CIMIP4: variants seen among roughly 807,000 people sequenced by gnomAD.
CIMIP4 encodes the protein protein EAN57.
At chr22:37,004,990 T>G in the CIMIP4 span, among the ~76,000 whole-genome samples, 1 of 152,130 alleles carries the variant, frequency 6.6e-6, no homozygotes, top group Non-Finnish European at 1.5e-5. Flanking sequence ...GCCCGGCCTG[T>G]GACTTCGGTT....
the CIMIP4 span, among the ~76,000 whole-genome samples, chr22:36,995,354 C>T: frequency 2.0e-5 from 3 of 152,206 alleles, no homozygotes; most frequent in African/African-American, 7.2e-5. Flanking sequence ...TCTCCCCTCC[C>T]AGCCCTGCTG....
At chr22:37,006,304 G>A in the CIMIP4 span, among the ~76,000 whole-genome samples, 1 of 152,212 alleles carries the variant, frequency 6.6e-6, no homozygotes, top group Non-Finnish European at 1.5e-5. Flanking sequence ...AGAAGGCAGA[G>A]CTGAGAGCCA....
chr22:36,994,056 A>C, the CIMIP4 span, among the ~76,000 whole-genome samples: 3 of 152,190 alleles, frequency 2.0e-5, no homozygotes, highest in Admixed American at 6.5e-5. Flanking sequence ...AAACAAAAAC[A>C]ATTGCAATTC....
At chr22:36,991,231 G>A in the CIMIP4 span, 2 of 1,614,160 alleles carry the variant, frequency 1.2e-6, no homozygotes, top group East Asian at 4.5e-5. Context: ...CTCTTCCAGT[G>A]CTTTCTGCAA....
At chr22:36,997,315 C>T in the CIMIP4 span, among the ~76,000 whole-genome samples, 1 of 152,344 alleles carries the variant, frequency 6.6e-6, no homozygotes, top group African/African-American at 2.4e-5. Context: ...ATAGGAGTCC[C>T]TCAACCTGCT....
chr22:36,991,274 G>C, the CIMIP4 span: 2 of 1,613,898 alleles, frequency 1.2e-6, no homozygotes, highest in Non-Finnish European at 8.5e-7. Context: ...TGGTGCCACC[G>C]CCCTACAGCG....
the CIMIP4 span, among the ~76,000 whole-genome samples, chr22:37,000,838 G>A: frequency 1.3e-5 from 2 of 152,180 alleles, no homozygotes; most frequent in African/African-American, 2.4e-5. Flanking sequence ...CTCCAAGTGG[G>A]GCAGAACATG....
the CIMIP4 span, among the ~76,000 whole-genome samples, chr22:37,001,261 C>T: frequency 1.3e-5 from 2 of 151,262 alleles, no homozygotes; most frequent in African/African-American, 4.9e-5. Context: ...ATACGCTCAC[C>T]ATGTATTTGT....
At chr22:36,991,502 C>A in the CIMIP4 span, 8 of 1,614,078 alleles carry the variant, frequency 5.0e-6, no homozygotes, top group Non-Finnish European at 6.8e-6. Flanking sequence ...GTCTTCCTGC[C>A]ATGCCAGTGT....
chr22:36,995,810 G>A, the CIMIP4 span, among the ~76,000 whole-genome samples: 1 of 152,168 alleles, frequency 6.6e-6, no homozygotes, highest in Non-Finnish European at 1.5e-5. Context: ...ACATGGAACT[G>A]TGAGTCTATT....
the CIMIP4 span, among the ~76,000 whole-genome samples, chr22:37,002,731 G>A: frequency 2.0e-5 from 3 of 152,224 alleles, no homozygotes; most frequent in Non-Finnish European, 4.4e-5. Context: ...TCTCCGCAGT[G>A]AGAATCTGGC....
At chr22:37,005,102 C>T in the CIMIP4 span, among the ~76,000 whole-genome samples, 1 of 152,154 alleles carries the variant, frequency 6.6e-6, no homozygotes, top group African/African-American at 2.4e-5. Context: ...GAGCAAGAAA[C>T]TGAGGGTGAC....
the CIMIP4 span, among the ~76,000 whole-genome samples, chr22:36,996,391 CAA>C: frequency 2.0e-5 from 3 of 150,048 alleles, no homozygotes; most frequent in African/African-American, 7.4e-5. Context: ...GTATCAGCAG[CAA>C]AGTTAGAAAA....
the CIMIP4 span, among the ~76,000 whole-genome samples, chr22:36,995,682 A>C: frequency 6.6e-6 from 1 of 152,116 alleles, no homozygotes; most frequent in Non-Finnish European, 1.5e-5. Flanking sequence ...AATAAATTTC[A>C]TGAGATCTGA....
chr22:37,004,752 A>G, the CIMIP4 span, among the ~76,000 whole-genome samples: 3 of 151,712 alleles, frequency 2.0e-5, no homozygotes, highest in Non-Finnish European at 4.4e-5. Context: ...CAGTAGTGCA[A>G]TCTCAGCTCA....
the CIMIP4 span, among the ~76,000 whole-genome samples, chr22:37,003,469 AG>A: frequency 6.6e-6 from 1 of 152,156 alleles, no homozygotes; most frequent in Non-Finnish European, 1.5e-5. Flanking sequence ...TCTTGTCCTC[AG>A]GGCAGAGTGC....
the CIMIP4 span, among the ~76,000 whole-genome samples, chr22:36,996,405 A>G: frequency 6.6e-6 from 1 of 152,108 alleles, no homozygotes; most frequent in Non-Finnish European, 1.5e-5. Context: ...GTTAGAAAAT[A>G]TAATTTTAAA....
chr22:37,002,290 G>C, the CIMIP4 span: 51 of 1,414,824 alleles, frequency 3.6e-5, no homozygotes, highest in African/African-American at 6.1e-4. Flanking sequence ...GGGCCCTGGT[G>C]AAAGTGGTTG....
At chr22:37,000,011 C>T in the CIMIP4 span, 58 of 1,597,750 alleles carry the variant, frequency 3.6e-5, no homozygotes, top group African/African-American at 5.8e-4. Flanking sequence ...GGATGACAGA[C>T]AGGGGATGGA....
Sources: gnomAD v4.1 joint callset for allele counts (sites outside exome capture counted in the v4.1 genomes callset) on GRCh38, gnomAD v4.1.1 for gene constraint, MANE v1.5 for transcripts, NCBI Gene and HGNC (gene_info 2026-07-23, HGNC 2026-07-21) for gene names.